INPP5D: variants seen among roughly 807,000 people sequenced by gnomAD.
INPP5D encodes phosphatidylinositol 3,4,5-trisphosphate 5-phosphatase 1.
INPP5D carries 33 observed loss-of-function variants against 122.9 expected under a neutral mutation model. That is an observed-to-expected ratio of 0.27 (90% CI 0.20 to 0.36). The LOEUF (loss-of-function observed/expected upper bound fraction) is 0.36, where lower values mean the gene tolerates loss of function less well. INPP5D is among the 10% of genes least tolerant of loss of function. INPP5D has a pLI of 1.00. For missense variants in INPP5D, 1,053 were observed against 1,412.7 expected (o/e 0.75, Z 4.08); for synonymous variants, 584 against 576.2 (o/e 1.01, Z -0.19).
chr2:233,206,697 G>A lies in INPP5D; in HGVS notation c.3568-9G>A, dbSNP rs1300692907. The A allele has an allele frequency of 2.6e-6, 2 of 773,204 alleles. No individual in the cohort carries two copies. Among genetic ancestry groups the A allele is most frequent in the Non-Finnish European group, 4.8e-6 (2 of 414,658 alleles). 47.9% of individuals were successfully genotyped at this position (773,204 alleles called of 1,614,324 possible). ...GAGCCCTGACAGCCCTTCTGTTCTT[G>A]TCCCACAGTGAAGCCCTCAGTGAGC... On this transcript the variant is annotated splice_polypyrimidine_tract_variant and intron_variant, in intron 26 of 26. Coordinates refer to ENST00000445964, the MANE Select transcript of INPP5D (RefSeq NM_001017915.3). This position sits in a 1 kb window ranked among gnomAD's most constrained non-coding sequence, Gnocchi z 4.0.
chr2:233,114,825 G>C (rs1463407982), intron 2 of INPP5D, among the ~76,000 whole-genome samples: 5 of 151,900 alleles, frequency 3.3e-5, no homozygotes, highest in African/African-American at 1.2e-4. Context: ...AAATGCTTTG[G>C]TGTGGGGAGC....
At position 233,148,268 on chromosome 2, in the gene INPP5D, A is replaced by C. The variant is rs142057263; in HGVS notation, c.1030+674A>C. ...GAGTAGCCGATAGAGACTCAAATAC[A>C]TCTGTCAATACAGATGAATGATCAG... On this transcript the variant is annotated intron_variant, in intron 9 of 26. Coordinates refer to ENST00000445964, the MANE Select transcript of INPP5D (RefSeq NM_001017915.3). Among the ~76,000 whole-genome samples, 505 of 114,350 alleles carry C rather than the reference A, an allele frequency of 4.4e-3. 1 individual carries two copies. The highest frequency in any genetic ancestry group is 7.1e-3 in the Non-Finnish European group (389 of 54,712). 75.0% of individuals were successfully genotyped at this position (114,350 alleles called of 152,430 possible). A position where few individuals can be genotyped will look rare whatever the true frequency, so the allele number is the denominator to read the frequency against.
intron 14 of INPP5D, 167 bp from the exon 15 acceptor site, chr2:233,169,859 T>A: frequency 7.6e-7 from 1 of 1,317,070 alleles, no homozygotes; most frequent in African/African-American, 1.5e-5. Flanking sequence ...GGCTGTGCCA[T>A]ATTTGCACAC....
intron 20 of INPP5D, among the ~76,000 whole-genome samples, chr2:233,184,766 T>G (rs1694867313): frequency 6.6e-6 from 1 of 152,122 alleles, no homozygotes; most frequent in Admixed American, 6.5e-5. Flanking sequence ...CAGTCCCTTG[T>G]AGGTGGCAAG....
chr2:233,072,236 G>A (rs986068453), intron 1 of INPP5D, among the ~76,000 whole-genome samples: 2 of 152,144 alleles, frequency 1.3e-5, no homozygotes, highest in African/African-American at 4.8e-5. Context: ...CTGAAGGACT[G>A]AGTATTTAAT....
chr2:233,159,897 T>C (rs930204543), intron 10 of INPP5D, among the ~76,000 whole-genome samples: 1 of 151,428 alleles, frequency 6.6e-6, no homozygotes, highest in African/African-American at 2.4e-5. Context: ...TGGTGGGAGG[T>C]CTAAGGTGTC....
At chr2:233,186,639 C>G (rs1344272274) in intron 21 of INPP5D, among the ~76,000 whole-genome samples, 1 of 140,008 alleles carries the variant, frequency 7.1e-6, no homozygotes, top group Non-Finnish European at 1.5e-5. Context: ...CCATCTCTAC[C>G]AAAAAAAAAT....
intron 2 of INPP5D, among the ~76,000 whole-genome samples, chr2:233,114,416 C>T (rs969375108): frequency 2.0e-5 from 3 of 152,164 alleles, no homozygotes; most frequent in Non-Finnish European, 4.4e-5. Flanking sequence ...GGTTGCAGAG[C>T]GGGGAGAGGC....
chr2:233,169,915 C>A, intron 14 of INPP5D, 111 bp from the exon 15 acceptor site: 1 of 1,558,508 alleles, frequency 6.4e-7, no homozygotes, highest in South Asian at 1.2e-5. Context: ...GTCTCACTTC[C>A]CCCCACCTGC....
chr2:233,205,298 TTGCGCCAC>T (rs1211545740), intron 26 of INPP5D: 1 of 143,108 alleles, frequency 7.0e-6, no homozygotes, highest in East Asian at 2.1e-4. Context: ...TGAGCCGAGA[TTGCGCCAC>T]TGCACTCCAG....
At chr2:233,158,928 A>G (rs989593653) in intron 10 of INPP5D, among the ~76,000 whole-genome samples, 1 of 152,118 alleles carries the variant, frequency 6.6e-6, no homozygotes, top group East Asian at 1.9e-4. Flanking sequence ...AGCTGAGACC[A>G]CAGACACACA....
chr2:233,130,500 T>C lies in INPP5D; in HGVS notation c.525-8T>C. ...AAGCATAGTTTGTTTCTTTTTTCTT[T>C]TCTTTAGGCTTCCAGAAGAGCATCT... On this transcript the variant is annotated splice_polypyrimidine_tract_variant and splice_region_variant and intron_variant, in intron 4 of 26. Transcript: ENST00000445964. The C allele has an allele frequency of 6.2e-7, 1 of 1,611,974 alleles. No homozygotes were observed. The highest frequency in any genetic ancestry group is 8.5e-7 in the Non-Finnish European group (1 of 1,179,338).
In INPP5D at chr2:233,110,051, ATTTT is replaced by A. The variant is rs34202139; in HGVS notation, c.199-12041_199-12038del. Among the ~76,000 whole-genome samples, 670 of 136,622 alleles carry A rather than the reference ATTTT, an allele frequency of 4.9e-3. 4 individuals carry two copies. The highest frequency in any genetic ancestry group is 0.014 in the East Asian group (66 of 4,670). 89.6% of individuals were successfully genotyped at this position (136,622 alleles called of 152,430 possible). A position where few individuals can be genotyped will look rare whatever the true frequency, so the allele number is the denominator to read the frequency against. The stretch of plus-strand genomic sequence containing the variant: ...AGGCATGTGCCACCATGCTCAGCTA[ATTTT>A]TTTTTTTTTTTTTTGAGATAGAGTC... On this transcript the variant is annotated intron_variant, in intron 2 of 26. Coordinates refer to ENST00000445964, the MANE Select transcript of INPP5D (RefSeq NM_001017915.3).
chr2:233,153,498 G>C (rs548098199), intron 9 of INPP5D, among the ~76,000 whole-genome samples: 63 of 152,292 alleles, frequency 4.1e-4, no homozygotes, highest in Admixed American at 1.5e-3. Flanking sequence ...TGGATAGCGA[G>C]AGTCACTTGT....
chr2:233,101,511 A>C (rs1053728642), intron 2 of INPP5D, among the ~76,000 whole-genome samples: 2 of 148,816 alleles, frequency 1.3e-5, no homozygotes, highest in African/African-American at 4.9e-5. Context: ...TTTATAAGTT[A>C]TTTTATAAAT....
chr2:233,148,496 A>G (rs1017730965), intron 9 of INPP5D, among the ~76,000 whole-genome samples: 2 of 152,218 alleles, frequency 1.3e-5, no homozygotes, highest in African/African-American at 4.8e-5. Context: ...CTAGCAGAGC[A>G]GCATGTGCAA....
In INPP5D at chr2:233,122,201, A is replaced by G; in HGVS notation, c.293A>G (p.Gln98Arg). ...AACATGGGGCTGGTGACCCATCTGC[A>G]ATACCCTGTGCCGCTGGAGGAAGAG... ...KENMGLVTHL[Q>R]YPVPLEEEDT... Residue 98 changes from glutamine to arginine, a missense_variant, in exon 3 of 27, where the codon CAA (glutamine) becomes CGA (arginine). By Grantham distance (43) the Gln-to-Arg change is conservative (BLOSUM62 1). This residue lies in a region of INPP5D where 74 missense variants were observed against 146.6 expected (regional missense o/e 0.50). Transcript: ENST00000445964. 1 of 1,613,964 alleles carries G rather than the reference A, an allele frequency of 6.2e-7. No homozygotes were observed. Among genetic ancestry groups the G allele is most frequent in the Non-Finnish European group, 8.5e-7 (1 of 1,179,890 alleles).
At chr2:233,085,074 C>T (rs1691794993) in intron 2 of INPP5D, among the ~76,000 whole-genome samples, 1 of 152,124 alleles carries the variant, frequency 6.6e-6, no homozygotes, top group African/African-American at 2.4e-5. Flanking sequence ...GTAAAAGGTA[C>T]AGCACTACCT....
chr2:233,127,248 T>C (rs1693189305), intron 4 of INPP5D, among the ~76,000 whole-genome samples: 1 of 152,216 alleles, frequency 6.6e-6, no homozygotes, highest in South Asian at 2.1e-4. Flanking sequence ...TTTTTCTATC[T>C]TTGCTTATCA....
Sources: allele counts gnomAD v4.1 joint callset (sites outside exome capture counted in the v4.1 genomes callset), GRCh38; gene constraint gnomAD v4.1.1; regional missense constraint gnomAD v4.1.1; non-coding constraint Gnocchi (gnomAD v3.1); transcripts MANE v1.5; gene names NCBI Gene and HGNC (gene_info 2026-07-23, HGNC 2026-07-21).